The following KLHL29 variants were observed in gnomAD, a reference collection of about 807,000 sequenced individuals.
The protein encoded by KLHL29 is kelch like family member 29.
Under a neutral mutation model 80.4 loss-of-function variants are expected in KLHL29, and 21 were observed. The ratio of observed to expected loss-of-function variants is 0.26; its 90% CI spans 0.19 to 0.38. The LOEUF is 0.38. Ranked by LOEUF, KLHL29 falls within the 10% of genes least tolerant of loss-of-function variation. KLHL29 has a pLI of 1.00. For missense variants in KLHL29, 867 were observed against 1,223.9 expected (o/e 0.71, Z 4.35); for synonymous variants, 511 against 526.8 (o/e 0.97, Z 0.41).
intron 3 of KLHL29, among the ~76,000 whole-genome samples, chr2:23,621,444 T>C (rs1230098014): frequency 6.6e-6 from 1 of 150,942 alleles, no homozygotes; most frequent in Admixed American, 6.6e-5. Context: ...TAACTGCAGT[T>C]AGGAGCACCT....
At chr2:23,654,297 C>T (rs1670171933) in intron 5 of KLHL29, among the ~76,000 whole-genome samples, 1 of 152,148 alleles carries the variant, frequency 6.6e-6, no homozygotes, top group Admixed American at 6.5e-5. Context: ...AGTTAGCATC[C>T]CCGGCTTTCC....
At chr2:23,501,338 T>A (rs969991911) in intron 2 of KLHL29, among the ~76,000 whole-genome samples, 3 of 151,970 alleles carry the variant, frequency 2.0e-5, no homozygotes, top group African/African-American at 4.8e-5. Flanking sequence ...CTAATTGAGA[T>A]GCCCTGTAGT....
At chr2:23,487,651 GGGT>G (rs1664970715) in intron 2 of KLHL29, among the ~76,000 whole-genome samples, 1 of 152,128 alleles carries the variant, frequency 6.6e-6, no homozygotes, top group African/African-American at 2.4e-5. Flanking sequence ...GGGTCCTCAG[GGGT>G]GTCCCACTCC....
chr2:23,458,782 C>T (rs7597223), intron 1 of KLHL29, among the ~76,000 whole-genome samples: 46,235 of 151,970 alleles, frequency 0.3, 7,246 homozygotes, highest in South Asian at 0.41. Flanking sequence ...GTGGTCATAG[C>T]GGAGAGGAGA....
chr2:23,597,397 ATATATATATATTTTTTTT>A (rs1668447147), intron 3 of KLHL29, among the ~76,000 whole-genome samples: 1 of 90,248 alleles, frequency 1.1e-5, no homozygotes, highest in Admixed American at 1.6e-4. Flanking sequence ...ATATATATAT[ATATATATATATTTTTTTT>A]TTTTTTTTTT....
At chr2:23,572,957 G>A (rs1457075632) in intron 3 of KLHL29, among the ~76,000 whole-genome samples, 4 of 152,200 alleles carry the variant, frequency 2.6e-5, no homozygotes, top group Admixed American at 6.5e-5. Context: ...CAAAGTGCTG[G>A]GATTACAGGC....
chr2:23,591,327 A>G (rs1287713093), intron 3 of KLHL29, among the ~76,000 whole-genome samples: 2 of 152,170 alleles, frequency 1.3e-5, no homozygotes, highest in African/African-American at 2.4e-5. Context: ...CACAGTCCGC[A>G]GGCTCCTGTG....
intron 2 of KLHL29, among the ~76,000 whole-genome samples, chr2:23,554,897 C>A (rs1439093399): frequency 6.6e-6 from 1 of 152,190 alleles, no homozygotes; most frequent in Non-Finnish European, 1.5e-5. Flanking sequence ...ACACCGCCCC[C>A]CAACACACCA....
chr2:23,677,131 A>C (rs759065479), intron 5 of KLHL29, among the ~76,000 whole-genome samples: 3 of 152,252 alleles, frequency 2.0e-5, no homozygotes, highest in African/African-American at 7.2e-5. Context: ...CAAATTTTCT[A>C]TCATCTTAGA....
intron 1 of KLHL29, among the ~76,000 whole-genome samples, chr2:23,397,801 A>G (rs1322065119): frequency 6.6e-6 from 1 of 152,238 alleles, no homozygotes; most frequent in Non-Finnish European, 1.5e-5. Context: ...TGGGCAAAGG[A>G]CTTGAATAGA....
intron 1 of KLHL29, among the ~76,000 whole-genome samples, chr2:23,474,626 A>G (rs892961833): frequency 6.6e-6 from 1 of 152,134 alleles, no homozygotes; most frequent in Non-Finnish European, 1.5e-5. Context: ...CATCTCTATC[A>G]GCGGCCGCTG....
At chr2:23,608,025 T>C (rs1010905916) in intron 3 of KLHL29, among the ~76,000 whole-genome samples, 2 of 151,772 alleles carry the variant, frequency 1.3e-5, no homozygotes, top group African/African-American at 4.8e-5. Flanking sequence ...GACCCCGGAA[T>C]TGTCCCAAGA....
chr2:23,672,342 C>G (rs947542003), intron 5 of KLHL29: 1 of 152,454 alleles, frequency 6.6e-6, no homozygotes, highest in Non-Finnish European at 1.5e-5. Context: ...GGCTCCTTCC[C>G]CATCAGACTT....
chr2:23,680,869 G>A lies in KLHL29; in HGVS notation c.941-3530G>A, dbSNP rs1336739205. Among the ~76,000 whole-genome samples the A allele has an allele frequency of 6.6e-6, 1 of 152,178 alleles. No homozygotes were observed. Among genetic ancestry groups the A allele is most frequent in the East Asian group, 1.9e-4 (1 of 5,184 alleles). On this transcript the variant is annotated intron_variant, in intron 5 of 13. Transcript: ENST00000486442. This position sits in a 1 kb window ranked among gnomAD's most constrained non-coding sequence, Gnocchi z 4.1. ...ATCCTGGAGCAGGATAGTGCAGGGT[G>A]CCAGGTGCTTCTGGAAGTCCACTCT... is the stretch of plus-strand genomic sequence containing the variant.
intron 2 of KLHL29, among the ~76,000 whole-genome samples, chr2:23,534,166 A>G (rs917450758): frequency 3.9e-5 from 6 of 152,182 alleles, no homozygotes; most frequent in African/African-American, 9.7e-5. Flanking sequence ...CACAGGAAAC[A>G]GGACAACCGG....
At chr2:23,600,156 A>G (rs545101160) in intron 3 of KLHL29, among the ~76,000 whole-genome samples, 1 of 152,364 alleles carries the variant, frequency 6.6e-6, no homozygotes, top group African/African-American at 2.4e-5. Flanking sequence ...GAGGCCATTC[A>G]GATAAATTTT....
chr2:23,703,936 T>C (rs1376141915), intron 13 of KLHL29, 73 bp downstream of exon 13: 1 of 1,440,736 alleles, frequency 6.9e-7, no homozygotes, highest in Non-Finnish European at 9.2e-7. Flanking sequence ...CCACAATGAT[T>C]TCCTGCCATC....
intron 1 of KLHL29, among the ~76,000 whole-genome samples, chr2:23,458,300 G>A (rs1245388430): frequency 6.6e-6 from 1 of 152,228 alleles, no homozygotes; most frequent in African/African-American, 2.4e-5. Flanking sequence ...CTGGCAGACT[G>A]TTTCTATAAA....
intron 1 of KLHL29, among the ~76,000 whole-genome samples, chr2:23,436,280 T>TTGTGTGTGTGTGTG (rs57931176): frequency 1.1e-3 from 149 of 137,036 alleles, no homozygotes; most frequent in African/African-American, 2.0e-3. Context: ...CCAATCAGCT[T>TTGTGTGTGTGTGTG]TGTGTGTGTG....
Sources: allele counts gnomAD v4.1 joint callset (sites outside exome capture counted in the v4.1 genomes callset), GRCh38; gene constraint gnomAD v4.1.1; non-coding constraint Gnocchi (gnomAD v3.1); transcripts MANE v1.5; gene names NCBI Gene and HGNC (gene_info 2026-07-23, HGNC 2026-07-21).